The following ZNF337 variants were observed in gnomAD, a reference collection of about 807,000 sequenced individuals.
ZNF337 encodes the protein zinc finger protein 337.
A neutral mutation model predicts 12.1 loss-of-function variants in ZNF337; 8 were observed. That is an observed-to-expected ratio of 0.66 (90% confidence interval 0.39 to 1.19). ZNF337 has a LOEUF of 1.19. ZNF337 is among the 50% of genes most tolerant of loss of function. The probability of loss-of-function intolerance (pLI) is 0.01; values close to 1 mark genes in which losing one functional copy is unlikely to be tolerated. For synonymous variants in ZNF337, 336 were observed against 320.0 expected (o/e 1.05, Z -0.53); for missense variants, 882 against 896.6 (o/e 0.98, Z 0.21).
rs2065655571 is a variant in ZNF337, at chr20:25,674,775, T to C, written c.*257A>G. 3.7e-6 allele frequency: 2 copies of C among 534,824 alleles called. No homozygotes were observed. The highest frequency in any genetic ancestry group is 3.8e-5 in the African/African-American group (2 of 52,698). 33.1% of individuals were successfully genotyped at this position (534,824 alleles called of 1,614,324 possible). A position where few individuals can be genotyped will look rare whatever the true frequency, so the allele number is the denominator to read the frequency against. The stretch of plus-strand genomic sequence containing the variant: ...AAATACAACAAGAATATGTGCTCAG[T>C]AGGAAAGAGACCACATTTCCCCAAT... On this transcript the variant is annotated 3_prime_UTR_variant, in exon 5 of 5. Transcript: ENST00000252979.
chr20:25,685,427 G>A (rs1414861421), intron 4 of ZNF337, 140 bp downstream of exon 4: 8 of 675,256 alleles, frequency 1.2e-5, no homozygotes, highest in Non-Finnish European at 2.1e-5. Flanking sequence ...AGCAAGGACT[G>A]GAAGGAAGGC....
At position 25,676,809 on chromosome 20, in the gene ZNF337, T is replaced by G; in HGVS notation, c.479A>C (p.Glu160Ala). ...TACTTTGTCTATTTCTGTAGGATTT[T>G]CCCTCTGGCCTTGACTAGACTCTAT... Reference protein sequence around the residue: ...VEIESSQGQRENPTEIDKVLK... With the variant: ...VEIESSQGQRANPTEIDKVLK... The change falls in exon 5 of 5, where the codon GAA becomes GCA. Residue 160 changes from glutamate to alanine, a missense_variant. By Grantham distance (107) the Glu-to-Ala change is moderately radical. Coordinates refer to ENST00000252979, the MANE Select transcript of ZNF337 (RefSeq NM_015655.4). The G allele has an allele frequency of 6.2e-7, 1 of 1,614,226 alleles. No homozygotes were observed. The highest frequency in any genetic ancestry group is 2.2e-5 in the East Asian group (1 of 44,886).
At position 25,696,753 on chromosome 20, in the gene ZNF337, G is replaced by C. The variant is rs1401222221; in HGVS notation, c.-50+6C>G. The C allele has an allele frequency of 1.0e-6, 1 of 985,406 alleles. No individual in the cohort carries two copies. Among genetic ancestry groups the C allele is most frequent in the African/African-American group, 1.7e-5 (1 of 57,260 alleles). 61.0% of individuals were successfully genotyped at this position (985,406 alleles called of 1,614,324 possible). A position where few individuals can be genotyped will look rare whatever the true frequency, so the allele number is the denominator to read the frequency against. ...GCAGAGAGGGACCCGCAGGAGCGCA[G>C]CTCACCGGGGCGGCTGAGGGCGAAC... On this transcript the variant is annotated splice_donor_region_variant and intron_variant, in intron 1 of 4. Coordinates refer to ENST00000252979, the MANE Select transcript of ZNF337 (RefSeq NM_015655.4).
chr20:25,675,807 C>T lies in ZNF337; in HGVS notation c.1481G>A (p.Gly494Glu), dbSNP rs566822872. ...EEKPYGCRECGRRFRDKSSYN... is the reference protein window; with the variant it reads ...EEKPYGCRECERRFRDKSSYN... ...GGAGGACTTATCCCGAAACCTTCGC[C>T]CACACTCCCGACATCCATAAGGCTT... Residue 494 changes from glycine (G) to glutamate (E), a missense_variant, in exon 5 of 5, where the codon GGG (glycine) becomes GAG (glutamate). Physicochemically the swap from Gly to Glu is moderately conservative, Grantham distance 98. Transcript: ENST00000252979. 15 of 1,614,050 alleles carry T rather than the reference C, an allele frequency of 9.3e-6. No homozygotes were observed. In the South Asian group the frequency reaches 1.4e-4, roughly 15 times the overall value.
intron 4 of ZNF337, among the ~76,000 whole-genome samples, chr20:25,683,996 A>C (rs1600442250): frequency 6.6e-6 from 1 of 152,082 alleles, no homozygotes; most frequent in South Asian, 2.1e-4. Flanking sequence ...AATGTGGCAC[A>C]TATACACCAT....
chr20:25,686,570 C>G, intron 1 of ZNF337, 104 bp from the exon 2 acceptor site: 1 of 828,188 alleles, frequency 1.2e-6, no homozygotes, highest in Non-Finnish European at 1.9e-6. Flanking sequence ...GGAGGGCGCA[C>G]CTGCACAATT....
At chr20:25,678,366 C>T (rs535767386) in intron 4 of ZNF337, among the ~76,000 whole-genome samples, 49 of 152,144 alleles carry the variant, frequency 3.2e-4, no homozygotes, top group Non-Finnish European at 6.6e-4. Flanking sequence ...AATAAATAGA[C>T]GAGGACACAA....
In ZNF337 at chr20:25,675,071, C is replaced by G; in HGVS notation, c.2217G>C (p.Lys739Asn). 1 of 1,612,328 alleles carries G rather than the reference C, an allele frequency of 6.2e-7. No homozygotes were observed. The highest frequency in any genetic ancestry group is 8.5e-7 in the Non-Finnish European group (1 of 1,179,424). Residue 739 changes from lysine to asparagine, a missense_variant, in exon 5 of 5, where the codon AAG becomes AAC. Physicochemically the swap from Lys to Asn is moderately conservative, Grantham distance 94 (BLOSUM62 0). Transcript: ENST00000252979. ...CACCCACACTCCCTGTACAAAAACG[C>G]TTCTCACGTAAGTGTCTCTTTAAGT... is the stretch of plus-strand genomic sequence containing the variant. ...SKHLKRHLRE[K>N]RFCTGSVGEA...
chr20:25,691,671 A>G (rs887455593), intron 1 of ZNF337, among the ~76,000 whole-genome samples: 1 of 152,130 alleles, frequency 6.6e-6, no homozygotes, highest in Non-Finnish European at 1.5e-5. Flanking sequence ...AGTGGACCAA[A>G]ATGGGGGTGG....
At chr20:25,684,304 G>GT (rs1231290158) in intron 4 of ZNF337, among the ~76,000 whole-genome samples, 3 of 151,634 alleles carry the variant, frequency 2.0e-5, no homozygotes, top group Non-Finnish European at 4.4e-5. Flanking sequence ...GTATACATAT[G>GT]TAACTAACCT....
At chr20:25,684,630 T>C (rs1424638781) in intron 4 of ZNF337, among the ~76,000 whole-genome samples, 2 of 152,202 alleles carry the variant, frequency 1.3e-5, no homozygotes, top group Admixed American at 1.3e-4. Context: ...ACTGGGTATA[T>C]ACCCGAAGGA....
At chr20:25,694,289 G>A (rs962541169) in intron 1 of ZNF337, among the ~76,000 whole-genome samples, 4 of 152,122 alleles carry the variant, frequency 2.6e-5, no homozygotes, top group Non-Finnish European at 5.9e-5. Context: ...CTTTCTCAAA[G>A]CAACACAGCC....
chr20:25,677,408 C>A (rs2065713769), intron 4 of ZNF337: 1 of 182,694 alleles, frequency 5.5e-6, no homozygotes, highest in African/African-American at 2.4e-5. Flanking sequence ...AGTATGCAAT[C>A]ATGATTCAAC....
intron 1 of ZNF337, among the ~76,000 whole-genome samples, chr20:25,696,525 G>C (rs920663960): frequency 6.6e-6 from 1 of 152,220 alleles, no homozygotes. Flanking sequence ...ACACGCAACC[G>C]GGAACGGAGA....
chr20:25,693,904 A>T (rs2065900531), intron 1 of ZNF337, among the ~76,000 whole-genome samples: 1 of 152,112 alleles, frequency 6.6e-6, no homozygotes. Context: ...GAGCTCTGCG[A>T]TCCTCAAAGG....
At position 25,685,603 on chromosome 20, in the gene ZNF337, C is replaced by G. The variant is rs776827969; in HGVS notation, c.214G>C (p.Gly72Arg). The G allele has an allele frequency of 1.2e-6, 2 of 1,614,224 alleles. No individual in the cohort carries two copies. Among genetic ancestry groups the G allele is most frequent in the South Asian group, 2.2e-5 (2 of 91,082 alleles). The stretch of plus-strand genomic sequence containing the variant: ...CCTGGCCGGCGTCTTCTCTCTTCTC[C>G]CCAGGGCACTTCCCCTTGCTCTAGC... ...RRLEQGEVPW[G>R]EERRRRPGPC... Residue 72 changes from glycine to arginine, a missense_variant, in exon 4 of 5, where the codon GGA becomes CGA. Gly to Arg is a moderately radical substitution (Grantham distance 125, BLOSUM62 -2). Transcript: ENST00000252979.
In ZNF337 at chr20:25,674,786, C is replaced by G. The variant is rs1171126808; in HGVS notation, c.*246G>C. The G allele has an allele frequency of 1.8e-6, 1 of 552,274 alleles. No homozygotes were observed. Among genetic ancestry groups the G allele is most frequent in the African/African-American group, 1.9e-5 (1 of 53,042 alleles). 34.2% of individuals were successfully genotyped at this position (552,274 alleles called of 1,614,324 possible). A position where few individuals can be genotyped will look rare whatever the true frequency, so the allele number is the denominator to read the frequency against. On this transcript the variant is annotated 3_prime_UTR_variant, in exon 5 of 5. Coordinates refer to ENST00000252979, the MANE Select transcript of ZNF337 (RefSeq NM_015655.4). Reference sequence around the variant, plus strand: ...GAATATGTGCTCAGTAGGAAAGAGACCACATTTCCCCAATAGCCCAGGTAA... The same window carrying G: ...GAATATGTGCTCAGTAGGAAAGAGAGCACATTTCCCCAATAGCCCAGGTAA...
intron 1 of ZNF337, 143 bp downstream of exon 1, chr20:25,696,616 C>T (rs1569020118): frequency 3.9e-6 from 2 of 511,074 alleles, no homozygotes; most frequent in Non-Finnish European, 5.0e-6. Flanking sequence ...GGTCTCCGCC[C>T]CTCCCCAGAA....
intron 1 of ZNF337, 115 bp downstream of exon 1, chr20:25,696,644 T>C (rs1006759406): frequency 5.5e-5 from 41 of 745,258 alleles, no homozygotes; most frequent in Non-Finnish European, 6.7e-5. Flanking sequence ...ACGCCGGGCC[T>C]GGAGGAGCGC....
Sources: gnomAD v4.1 joint callset for allele counts (sites outside exome capture counted in the v4.1 genomes callset) on GRCh38, gnomAD v4.1.1 for gene constraint, MANE v1.5 for transcripts, NCBI Gene and HGNC (gene_info 2026-07-23, HGNC 2026-07-21) for gene names.